The following FGF13 variants were observed in gnomAD, a reference collection of about 807,000 sequenced individuals.
The protein encoded by FGF13 is fibroblast growth factor 13, also known as fibroblast growth factor homologous factor 2.
Under a neutral mutation model 19.5 loss-of-function variants are expected in FGF13, and 2 were observed. The ratio of observed to expected loss-of-function variants is 0.10; its 90% CI spans 0.04 to 0.32. The LOEUF is 0.32. FGF13 is among the 10% of genes least tolerant of loss of function. The probability of loss-of-function intolerance (pLI) is 1.00; values close to 1 mark genes in which losing one functional copy is unlikely to be tolerated. For synonymous variants in FGF13, 72 were observed against 76.9 expected (o/e 0.94, Z 0.33); for missense variants, 113 against 192.7 (o/e 0.59, Z 2.45).
At chrX:139,178,609 T>C (rs1441755908) in intron 1 of FGF13, among the ~76,000 whole-genome samples, 1 of 112,331 alleles carries the variant, frequency 8.9e-6, no homozygotes, top group African/African-American at 3.2e-5. Flanking sequence ...CAAGTGAGGG[T>C]AAGGCAGATT....
chrX:138,766,275 T>C (rs886544666), intron 3 of FGF13, among the ~76,000 whole-genome samples: 1 of 112,319 alleles, frequency 8.9e-6, no homozygotes, highest in Admixed American at 9.4e-5. Context: ...TAGTAGGTGG[T>C]CAATAAATGC....
intron 1 of FGF13, among the ~76,000 whole-genome samples, chrX:138,869,687 A>C (rs1359633407): frequency 8.9e-6 from 1 of 112,675 alleles, no homozygotes; most frequent in African/African-American, 3.2e-5. Context: ...ACTTAAAAGA[A>C]GCACATTTTT....
chrX:138,744,507 G>C (rs995657785), intron 3 of FGF13, among the ~76,000 whole-genome samples: 1 of 111,520 alleles, frequency 9.0e-6, no homozygotes, highest in African/African-American at 3.3e-5. Context: ...GTGGCATTTC[G>C]TAAGCAGTCA....
At chrX:138,772,024 A>G (rs1269188364) in intron 3 of FGF13, among the ~76,000 whole-genome samples, 537 of 45,539 alleles carry the variant, frequency 0.012, 9 homozygotes, top group African/African-American at 0.068. Flanking sequence ...ATGTGTATAT[A>G]TATATATATA....
chrX:138,886,636 G>T (rs777183170), intron 1 of FGF13, among the ~76,000 whole-genome samples: 1 of 111,685 alleles, frequency 9.0e-6, no homozygotes, highest in Non-Finnish European at 1.9e-5. Flanking sequence ...CCCTCCTCAG[G>T]GTTGTTGTGA....
Position 138,655,833 on chromosome X carries a change from T to C in FGF13, c.403-20178A>G, listed in dbSNP as rs1414581922. Among the ~76,000 whole-genome samples the C allele has an allele frequency of 3.6e-5, 4 of 112,273 alleles. No homozygotes were observed. The East Asian group carries it at 1.1e-3, about 31-fold the overall frequency. ...AATATTAACGCTTTGCATCTATTCA[T>C]AGAAAATATGTTGATTATGCTTACC... On this transcript the variant is annotated intron_variant, in intron 3 of 4. Coordinates refer to ENST00000315930, the MANE Select transcript of FGF13 (RefSeq NM_004114.5).
At chrX:138,881,734 T>C (rs2091426242) in intron 1 of FGF13, among the ~76,000 whole-genome samples, 1 of 111,967 alleles carries the variant, frequency 8.9e-6, no homozygotes, top group Admixed American at 9.5e-5. Flanking sequence ...TATATTTCTG[T>C]AAGGTTGGTA....
At chrX:139,072,309 G>A (rs866482236) in intron 1 of FGF13, among the ~76,000 whole-genome samples, 7 of 102,802 alleles carry the variant, frequency 6.8e-5, no homozygotes, top group African/African-American at 1.5e-4. Flanking sequence ...ACACACACAC[G>A]GAAGAAAGTC....
At chrX:139,052,358 G>C (rs1244257210) in intron 1 of FGF13, among the ~76,000 whole-genome samples, 1 of 112,203 alleles carries the variant, frequency 8.9e-6, no homozygotes, top group Admixed American at 9.4e-5. Context: ...CACCTCTAAA[G>C]AACTGAGCAT....
At chrX:139,084,529 G>A (rs1171524625) in intron 1 of FGF13, among the ~76,000 whole-genome samples, 2 of 111,587 alleles carry the variant, frequency 1.8e-5, no homozygotes, top group East Asian at 5.7e-4. Flanking sequence ...TGTGATCTGG[G>A]TCAGTGGAGC....
At chrX:139,034,720 CTATTTA>C (rs1329600134) in intron 1 of FGF13, among the ~76,000 whole-genome samples, 4 of 111,524 alleles carry the variant, frequency 3.6e-5, no homozygotes, top group African/African-American at 1.3e-4. Context: ...TTTTCTACTC[CTATTTA>C]TTTTCTTAAA....
intron 1 of FGF13, among the ~76,000 whole-genome samples, chrX:139,110,456 G>A (rs966169624): frequency 9.1e-6 from 1 of 109,866 alleles, no homozygotes; most frequent in Admixed American, 9.8e-5. Context: ...TAAGTCTCAC[G>A]AGATCTGACG....
At chrX:138,704,325 C>T (rs1428538782) in intron 2 of FGF13, among the ~76,000 whole-genome samples, 3 of 111,286 alleles carry the variant, frequency 2.7e-5, no homozygotes, top group Non-Finnish European at 5.7e-5. Flanking sequence ...TGTCTACTCC[C>T]TCCCACACTG....
chrX:139,097,608 C>T (rs906681364), intron 1 of FGF13, among the ~76,000 whole-genome samples: 2 of 111,663 alleles, frequency 1.8e-5, no homozygotes, highest in African/African-American at 6.5e-5. Context: ...ATATGATCAT[C>T]TCAAAAGACG....
intron 1 of FGF13, among the ~76,000 whole-genome samples, chrX:138,731,895 T>G (rs1433722740): frequency 9.0e-6 from 1 of 111,100 alleles, no homozygotes; most frequent in African/African-American, 3.3e-5. Flanking sequence ...TGTGAACAAC[T>G]CAATAAGATA....
At chrX:138,777,841 C>A (rs2090600225) in intron 3 of FGF13, among the ~76,000 whole-genome samples, 2 of 110,289 alleles carry the variant, frequency 1.8e-5, no homozygotes, top group African/African-American at 3.3e-5. Flanking sequence ...AATATATTAG[C>A]CAAAATGTCC....
intron 1 of FGF13, among the ~76,000 whole-genome samples, chrX:138,729,900 A>G (rs921948593): frequency 6.3e-5 from 7 of 111,608 alleles, no homozygotes; most frequent in African/African-American, 2.3e-4. Flanking sequence ...AAAGTGCTGA[A>G]AGAAAAATAA....
chrX:138,784,965 T>A (rs757471164), intron 3 of FGF13, among the ~76,000 whole-genome samples: 1 of 112,283 alleles, frequency 8.9e-6, no homozygotes, highest in African/African-American at 3.2e-5. Context: ...AAAATCATGG[T>A]TGGACATTTC....
intron 1 of FGF13, among the ~76,000 whole-genome samples, chrX:138,997,249 A>C (rs1274528263): frequency 8.9e-6 from 1 of 112,197 alleles, no homozygotes; most frequent in Non-Finnish European, 1.9e-5. Flanking sequence ...AAGGCTGAAA[A>C]TTCCCAAAAC....
Sources: allele counts gnomAD v4.1 joint callset (sites outside exome capture counted in the v4.1 genomes callset), GRCh38; gene constraint gnomAD v4.1.1; transcripts MANE v1.5; gene names NCBI Gene and HGNC (gene_info 2026-07-23, HGNC 2026-07-21).